The following TET3 variants were observed in gnomAD, a reference collection of about 807,000 sequenced individuals.
The protein encoded by TET3 is methylcytosine dioxygenase TET3.
In TET3, 19 loss-of-function variants were observed where a neutral mutation model predicts 141.4. The observed-to-expected ratio is 0.13, with a 90% CI of 0.09 to 0.20. The LOEUF (loss-of-function observed/expected upper bound fraction) is 0.20, where lower values mean the gene tolerates loss of function less well. TET3 is among the 10% of genes least tolerant of loss of function. The pLI is 1.00. For missense variants in TET3, 1,874 were observed against 2,356.9 expected, an observed-to-expected ratio of 0.80 and a Z score of 4.24; for synonymous variants, 1,043 against 980.9, an observed-to-expected ratio of 1.06 and a Z score of -1.18.
chr2:74,006,262 A>T (rs543181506), intron 3 of TET3, among the ~76,000 whole-genome samples: 4 of 152,256 alleles, frequency 2.6e-5, no homozygotes, highest in Non-Finnish European at 5.9e-5. Flanking sequence ...ATGTCAAACT[A>T]GAGAAGTGAA....
chr2:74,062,945 G>A (rs1410698278), intron 4 of TET3, among the ~76,000 whole-genome samples: 2 of 148,826 alleles, frequency 1.3e-5, no homozygotes, highest in Admixed American at 1.3e-4. Flanking sequence ...GTGCAGTGGC[G>A]CGATCTCGTC....
At chr2:74,071,732 A>G (rs1689213875) in intron 4 of TET3, among the ~76,000 whole-genome samples, 1 of 152,208 alleles carries the variant, frequency 6.6e-6, no homozygotes, top group Non-Finnish European at 1.5e-5. Flanking sequence ...TTAGATATGA[A>G]GCAAACTTAC....
At chr2:74,122,993 C>G in the TET3 span, 1 of 152,080 alleles carries the variant, frequency 6.6e-6, no homozygotes, top group Non-Finnish European at 1.5e-5. Context: ...CACACCCAGC[C>G]TTGATAATGA....
intron 4 of TET3, among the ~76,000 whole-genome samples, chr2:74,071,778 G>GT (rs923666161): frequency 7.9e-5 from 12 of 152,150 alleles, no homozygotes; most frequent in African/African-American, 2.9e-4. Context: ...TGTGTGTATA[G>GT]TTTTTTTGTT....
chr2:74,037,041 CG>C (rs888528759), intron 3 of TET3, among the ~76,000 whole-genome samples: 13 of 152,184 alleles, frequency 8.5e-5, no homozygotes, highest in Admixed American at 6.5e-4. Flanking sequence ...CCTCTGCCAA[CG>C]TATAATGCTC....
intron 3 of TET3, among the ~76,000 whole-genome samples, chr2:74,039,499 G>A (rs1355254086): frequency 1.3e-5 from 2 of 151,964 alleles, no homozygotes; most frequent in Admixed American, 1.3e-4. Flanking sequence ...AACTTTTTGG[G>A]GTCCTGAAAT....
intron 3 of TET3, among the ~76,000 whole-genome samples, chr2:74,023,719 G>A (rs1480693200): frequency 6.6e-6 from 1 of 152,138 alleles, no homozygotes; most frequent in Admixed American, 6.5e-5. Flanking sequence ...TCTTGAATAT[G>A]TTTTCCTAGA....
intron 6 of TET3, among the ~76,000 whole-genome samples, chr2:74,086,813 AG>A (rs931744029): frequency 3.3e-5 from 5 of 150,036 alleles, no homozygotes; most frequent in South Asian, 2.1e-4. Flanking sequence ...AAAAAAAAAA[AG>A]TTTGTGTAGA....
intron 3 of TET3, among the ~76,000 whole-genome samples, chr2:74,035,395 C>G (rs528554207): frequency 7.1e-6 from 1 of 140,062 alleles, no homozygotes; most frequent in East Asian, 2.1e-4. Context: ...ACCTGGGAGG[C>G]GGAGCTTGCA....
chr2:74,069,789 A>T (rs1446834637), intron 4 of TET3, among the ~76,000 whole-genome samples: 1 of 152,042 alleles, frequency 6.6e-6, no homozygotes, highest in Non-Finnish European at 1.5e-5. Context: ...TTGTATTGAC[A>T]GGGTCTCACT....
Position 73,988,914 on chromosome 2 carries a change from CT to C in TET3, c.303+2223del, listed in dbSNP as rs58533695. 9.7e-3 allele frequency among the ~76,000 whole-genome samples: 1,190 copies of C among 122,274 alleles called. 7 individuals are homozygous for C. Among genetic ancestry groups the C allele is most frequent in the African/African-American group, 0.016 (524 of 33,124 alleles). The allele number at this position is 122,274 out of a possible 152,430, so 80.2% of individuals were successfully genotyped here. Reference sequence around the variant, plus strand: ...AGTGAAGGTGTAATAGAAATTAGACCTTTTTTTTTTTTTTTAAGTCTTAGCT... The same window carrying C: ...AGTGAAGGTGTAATAGAAATTAGACCTTTTTTTTTTTTTTAAGTCTTAGCT... On this transcript the variant is annotated intron_variant, in intron 2 of 11. Coordinates refer to ENST00000409262, the MANE Select transcript of TET3 (RefSeq NM_001287491.2).
At chr2:74,061,032 C>T (rs1219854925) in intron 4 of TET3, among the ~76,000 whole-genome samples, 1 of 152,144 alleles carries the variant, frequency 6.6e-6, no homozygotes, top group East Asian at 1.9e-4. Context: ...CTGTTGGGCA[C>T]ACCTCCCAGA....
chr2:74,120,374 G>T, the TET3 span, among the ~76,000 whole-genome samples: 1 of 152,254 alleles, frequency 6.6e-6, no homozygotes, highest in Non-Finnish European at 1.5e-5. Context: ...GATGGCGGGC[G>T]ACGTCCGTAC....
Position 74,087,780 on chromosome 2 carries a change from G to C in TET3, c.2680-50G>C, listed in dbSNP as rs1302966705. ...ACAAAGGGAGGGGTGGCACCATGCA[G>C]AGGAGCACGGGTACCTGGCTCCTGC... On this transcript the variant is annotated intron_variant, in intron 6 of 11. Transcript: ENST00000409262. This position sits in a 1 kb window ranked among gnomAD's most constrained non-coding sequence, Gnocchi z 4.3. 5 of 1,498,354 alleles carry C rather than the reference G, an allele frequency of 3.3e-6. No individual in the cohort carries two copies. The East Asian group carries it at 1.2e-4, about 37-fold the overall frequency. 92.8% of individuals were successfully genotyped at this position (1,498,354 alleles called of 1,614,324 possible). A position where few individuals can be genotyped will look rare whatever the true frequency, so the allele number is the denominator to read the frequency against.
At chr2:74,117,218 A>G in the TET3 span, among the ~76,000 whole-genome samples, 1 of 152,202 alleles carries the variant, frequency 6.6e-6, no homozygotes, top group Non-Finnish European at 1.5e-5. Flanking sequence ...CTGGGATTAC[A>G]GGTATGTGCC....
At position 74,084,959 on chromosome 2, in the gene TET3, A is replaced by C. The variant is rs142963174; in HGVS notation, c.2680-2871A>C. ...CAAAAAAAAAGAGAAACAGAGGCAG[A>C]AAGTAGAACAGTGGTTTCAGGAGGG... On this transcript the variant is annotated intron_variant, in intron 6 of 11. Transcript: ENST00000409262. Among the ~76,000 whole-genome samples, 748 of 152,220 alleles carry C rather than the reference A, an allele frequency of 4.9e-3. 5 individuals carry two copies. The highest frequency in any genetic ancestry group is 8.2e-3 in the Non-Finnish European group (561 of 68,010).
the TET3 span, among the ~76,000 whole-genome samples, chr2:74,126,347 C>T: frequency 6.6e-6 from 1 of 152,160 alleles, no homozygotes; most frequent in African/African-American, 2.4e-5. Context: ...GGTTTTTTGG[C>T]ATAGGACCTG....
chr2:74,085,134 G>A lies in TET3; in HGVS notation c.2680-2696G>A, dbSNP rs1265076258. On this transcript the variant is annotated intron_variant, in intron 6 of 11. Coordinates refer to ENST00000409262, the MANE Select transcript of TET3 (RefSeq NM_001287491.2). ...AAATGATTAAAATGGTAAATTGTTC[G>A]TATATTTTTCCACAGCAAAAAAAAA... is the stretch of plus-strand genomic sequence containing the variant. Among the ~76,000 whole-genome samples, 4 of 148,940 alleles carry A rather than the reference G, an allele frequency of 2.7e-5. No individual in the cohort carries two copies. The East Asian group carries it at 5.9e-4, about 22-fold the overall frequency.
Position 74,102,023 on chromosome 2 carries a change from G to T in TET3, c.5235G>T (p.Lys1745Asn), listed in dbSNP as rs541295551. The change falls in exon 12 of 12, where the codon AAG (lysine) becomes AAT (asparagine). Residue 1745 changes from lysine (K) to asparagine (N), a missense_variant. Coordinates refer to ENST00000409262, the MANE Select transcript of TET3 (RefSeq NM_001287491.2). ...CCAAGCTCTACGGGAAGAAGCGCAAGTGGGGGGGCACTGTGGTTGCTGAGC... is the reference window on the plus strand; with the variant it reads ...CCAAGCTCTACGGGAAGAAGCGCAATTGGGGGGGCACTGTGGTTGCTGAGC... ...QEAKLYGKKR[K>N]WGGTVVAEPQ... 5.7e-6 allele frequency: 9 copies of T among 1,573,574 alleles called. No individual in the cohort carries two copies. The highest frequency in any genetic ancestry group is 1.4e-5 in the African/African-American group (1 of 73,596).
Sources: allele counts gnomAD v4.1 joint callset (sites outside exome capture counted in the v4.1 genomes callset), GRCh38; gene constraint gnomAD v4.1.1; non-coding constraint Gnocchi (gnomAD v3.1); transcripts MANE v1.5; gene names NCBI Gene and HGNC (gene_info 2026-07-23, HGNC 2026-07-21).